LINGO2: variants seen among roughly 807,000 people sequenced by gnomAD.
LINGO2 encodes leucine rich repeat and Ig domain containing 2.
A neutral mutation model predicts 30.6 loss-of-function variants in LINGO2; 14 were observed. The observed-to-expected ratio is 0.46, with a 90% CI of 0.30 to 0.72. The LOEUF (loss-of-function observed/expected upper bound fraction) is 0.72. Ranked by LOEUF, LINGO2 falls within the 30% of genes least tolerant of loss-of-function variation. The pLI is 0.07. For missense variants in LINGO2, 729 were observed against 751.7 expected (o/e 0.97, Z 0.35); for synonymous variants, 317 against 288.5 (o/e 1.10, Z -1.00).
chr9:29,005,327 A>G, the LINGO2 span, among the ~76,000 whole-genome samples: 3 of 152,024 alleles, frequency 2.0e-5, no homozygotes, highest in Non-Finnish European at 4.4e-5. Context: ...ACACACACAC[A>G]AACACACACA....
intron 2 of LINGO2, among the ~76,000 whole-genome samples, chr9:28,419,703 A>G (rs1486962082): frequency 6.6e-6 from 1 of 152,078 alleles, no homozygotes; most frequent in African/African-American, 2.4e-5. Flanking sequence ...AAGACCAATG[A>G]CATTCATAAA....
intron 5 of LINGO2, among the ~76,000 whole-genome samples, chr9:28,004,049 A>C (rs1370690977): frequency 1.3e-5 from 2 of 152,220 alleles, no homozygotes; most frequent in Admixed American, 6.5e-5. Context: ...TTTCTTTTTA[A>C]GAACAATGAA....
At chr9:28,283,493 G>T (rs894385570) in intron 4 of LINGO2, among the ~76,000 whole-genome samples, 2 of 152,120 alleles carry the variant, frequency 1.3e-5, no homozygotes, top group Non-Finnish European at 2.9e-5. Flanking sequence ...CAATATCATA[G>T]AAATGTATTT....
At chr9:28,982,798 T>A in the LINGO2 span, among the ~76,000 whole-genome samples, 1 of 152,030 alleles carries the variant, frequency 6.6e-6, no homozygotes, top group Non-Finnish European at 1.5e-5. Context: ...TGGAATAAAA[T>A]AATTCTGAAA....
the LINGO2 span, among the ~76,000 whole-genome samples, chr9:29,202,081 A>G: frequency 6.6e-6 from 1 of 152,070 alleles, no homozygotes; most frequent in Non-Finnish European, 1.5e-5. Context: ...ATATTTAGTA[A>G]GAACTAGGTC....
chr9:28,677,306 C>T, the LINGO2 span, among the ~76,000 whole-genome samples: 7 of 152,008 alleles, frequency 4.6e-5, no homozygotes, highest in Non-Finnish European at 8.8e-5. Context: ...TGTTCCTTAA[C>T]CAAAAAATAT....
intron 4 of LINGO2, among the ~76,000 whole-genome samples, chr9:28,198,764 G>T (rs1167563413): frequency 6.6e-6 from 1 of 152,078 alleles, no homozygotes; most frequent in Admixed American, 6.5e-5. Context: ...ATCTTTTAGG[G>T]CATTTCTAGT....
the LINGO2 span, among the ~76,000 whole-genome samples, chr9:29,148,146 A>G: frequency 6.6e-6 from 1 of 152,028 alleles, no homozygotes; most frequent in African/African-American, 2.4e-5. Flanking sequence ...AAAATTCTTT[A>G]TATGTTTCAA....
At chr9:29,189,739 C>A in the LINGO2 span, among the ~76,000 whole-genome samples, 1 of 152,152 alleles carries the variant, frequency 6.6e-6, no homozygotes, top group African/African-American at 2.4e-5. Context: ...ACTGAGTGAA[C>A]GAGACTCCGT....
At position 28,558,111 on chromosome 9, in the gene LINGO2, C is replaced by T. The variant is rs183091881; in HGVS notation, c.-364-82086G>A. On this transcript the variant is annotated intron_variant, in intron 1 of 5. Coordinates refer to ENST00000379992, the Ensembl canonical transcript of LINGO2. ...TGTATATGTATGTAACTAAGCTGCA[C>T]AATGTGCACATGTACCCTAAAACTT... Among the ~76,000 whole-genome samples, 703 of 145,988 alleles carry T rather than the reference C, an allele frequency of 4.8e-3. 6 individuals are homozygous for T. Among genetic ancestry groups the T allele is most frequent in the African/African-American group, 0.017 (655 of 39,280 alleles).
At chr9:28,253,556 A>G (rs957665765) in intron 4 of LINGO2, among the ~76,000 whole-genome samples, 21 of 152,176 alleles carry the variant, frequency 1.4e-4, no homozygotes, top group Admixed American at 1.2e-3. Context: ...TTTTGTAACC[A>G]TGTTTTAGTA....
chr9:28,125,258 T>C (rs1366448867), intron 4 of LINGO2, among the ~76,000 whole-genome samples: 1 of 152,242 alleles, frequency 6.6e-6, no homozygotes, highest in Non-Finnish European at 1.5e-5. Flanking sequence ...CCAAGCAGCA[T>C]AACAATCCAT....
the LINGO2 span, among the ~76,000 whole-genome samples, chr9:29,098,624 T>C: frequency 1.3e-5 from 2 of 152,066 alleles, no homozygotes; most frequent in African/African-American, 4.8e-5. Context: ...GAGTGTGTAA[T>C]ATAGGGGAAG....
the LINGO2 span, among the ~76,000 whole-genome samples, chr9:28,993,852 C>T: frequency 7.2e-5 from 11 of 152,168 alleles, no homozygotes; most frequent in African/African-American, 1.9e-4. Context: ...AAATTAGGTA[C>T]TGATGGGACG....
At chr9:28,121,201 G>C (rs1456398964) in intron 4 of LINGO2, among the ~76,000 whole-genome samples, 1 of 152,108 alleles carries the variant, frequency 6.6e-6, no homozygotes, top group Non-Finnish European at 1.5e-5. Flanking sequence ...AAATGCTAGA[G>C]AGCAATTGTA....
the LINGO2 span, among the ~76,000 whole-genome samples, chr9:28,971,472 G>A: frequency 2.6e-5 from 4 of 152,180 alleles, no homozygotes; most frequent in African/African-American, 9.7e-5. Context: ...AGAGCCCTTG[G>A]GCCTTAAGGC....
chr9:28,639,531 T>C (rs1378647092), intron 1 of LINGO2, among the ~76,000 whole-genome samples: 1 of 152,206 alleles, frequency 6.6e-6, no homozygotes, highest in Non-Finnish European at 1.5e-5. Context: ...ATATTTAGGA[T>C]AGTTAGCTCT....
At chr9:28,837,604 G>A in the LINGO2 span, among the ~76,000 whole-genome samples, 18 of 142,400 alleles carry the variant, frequency 1.3e-4, no homozygotes, top group South Asian at 2.3e-4. Flanking sequence ...CCAAGATCGC[G>A]CCATTGCACT....
At chr9:29,074,462 T>A in the LINGO2 span, among the ~76,000 whole-genome samples, 9 of 152,246 alleles carry the variant, frequency 5.9e-5, no homozygotes, top group East Asian at 1.9e-4. Context: ...AATTCATGTA[T>A]TCATTTAGTA....
Sources: gnomAD v4.1 joint callset for allele counts (sites outside exome capture counted in the v4.1 genomes callset) on GRCh38, gnomAD v4.1.1 for gene constraint, MANE v1.5 for transcripts, NCBI Gene and HGNC (gene_info 2026-07-23, HGNC 2026-07-21) for gene names.